Variants in RAVER2 observed in about 807,000 individuals in gnomAD.
RAVER2 encodes ribonucleoprotein, PTB binding 2, also known as ribonucleoprotein PTB-binding 2.
RAVER2 carries 46 observed loss-of-function variants against 78.1 expected under a neutral mutation model. The ratio of observed to expected loss-of-function variants is 0.59; its 90% CI spans 0.46 to 0.75. The LOEUF is 0.75. Among genes scored for constraint, RAVER2 ranks in the 30% least tolerant of loss-of-function variants. The pLI is 0.00. For missense variants in RAVER2, 793 were observed against 837.5 expected, an observed-to-expected ratio of 0.95 and a Z score of 0.66; for synonymous variants, 311 against 313.3, an observed-to-expected ratio of 0.99 and a Z score of 0.08.
intron 4 of RAVER2, among the ~76,000 whole-genome samples, chr1:64,788,034 A>G (rs1399716173): frequency 1.3e-5 from 2 of 152,184 alleles, no homozygotes; most frequent in African/African-American, 2.4e-5. Context: ...TTATGTAATT[A>G]TATATATTCA....
intron 2 of RAVER2, among the ~76,000 whole-genome samples, chr1:64,773,347 C>T (rs1652372776): frequency 6.6e-6 from 1 of 151,984 alleles, no homozygotes; most frequent in African/African-American, 2.4e-5. Flanking sequence ...GCTACACCCC[C>T]CGACAGGCCC....
At chr1:64,830,601 G>T (rs370180723) in intron 11 of RAVER2, among the ~76,000 whole-genome samples, 4 of 152,324 alleles carry the variant, frequency 2.6e-5, no homozygotes, top group East Asian at 3.9e-4. Flanking sequence ...AAAAGTTGGG[G>T]TTGGGAGTGA....
Position 64,763,917 on chromosome 1 carries a change from T to TACACACACACACACACACACAC in RAVER2, c.250-4722_250-4701dup, listed in dbSNP as rs58298918. 1.5e-4 allele frequency among the ~76,000 whole-genome samples: 20 copies of TACACACACACACACACACACAC among 133,806 alleles called. No individual in the cohort carries two copies. The East Asian group carries it at 2.7e-3, about 18-fold the overall frequency. 87.8% of individuals were successfully genotyped at this position (133,806 alleles called of 152,430 possible). On this transcript the variant is annotated intron_variant, in intron 1 of 11. Transcript: ENST00000294428. ...AAACTCCATCTCAAAAAAACAAAAA[T>TACACACACACACACACACACAC]ACACACACACACACACACACACACA... is the stretch of plus-strand genomic sequence containing the variant.
intron 1 of RAVER2, among the ~76,000 whole-genome samples, chr1:64,761,948 CAA>C (rs35443570): frequency 7.3e-6 from 1 of 137,902 alleles, no homozygotes. Flanking sequence ...CTGTCTCTAC[CAA>C]AAAAAAAAAA....
intron 4 of RAVER2, among the ~76,000 whole-genome samples, chr1:64,786,779 C>T (rs769411049): frequency 1.1e-4 from 16 of 151,566 alleles, no homozygotes; most frequent in South Asian, 2.1e-4. Flanking sequence ...GGTGACACAG[C>T]GAGACTCTGT....
chr1:64,798,099 G>A (rs1653149855), intron 5 of RAVER2, among the ~76,000 whole-genome samples: 1 of 110,476 alleles, frequency 9.1e-6, no homozygotes, highest in African/African-American at 3.6e-5. Flanking sequence ...ACAGTCCCCA[G>A]CGTGTGATAT....
exon 9 of RAVER2, chr1:64,807,268 C>A (rs756061919): frequency 6.2e-7 from 1 of 1,614,188 alleles, no homozygotes; most frequent in Non-Finnish European, 8.5e-7. Flanking sequence ...ACCATTCTTT[C>A]CAAATCAGCA....
At chr1:64,748,113 T>C (rs1651592981) in intron 1 of RAVER2, among the ~76,000 whole-genome samples, 1 of 152,218 alleles carries the variant, frequency 6.6e-6, no homozygotes, top group Non-Finnish European at 1.5e-5. Context: ...TTTAGAGGTA[T>C]GTTTATCAAA....
intron 8 of RAVER2, among the ~76,000 whole-genome samples, chr1:64,805,515 T>C (rs1454530095): frequency 2.6e-5 from 4 of 152,226 alleles, no homozygotes; most frequent in African/African-American, 9.6e-5. Flanking sequence ...ATTTGTATTA[T>C]TTAAAAAAAT....
At chr1:64,753,152 C>G (rs1051595612) in intron 1 of RAVER2, among the ~76,000 whole-genome samples, 1 of 152,170 alleles carries the variant, frequency 6.6e-6, no homozygotes, top group African/African-American at 2.4e-5. Flanking sequence ...CTTCCTCGCT[C>G]AAGCAATCCT....
intron 1 of RAVER2, among the ~76,000 whole-genome samples, chr1:64,759,214 A>AT: frequency 6.6e-6 from 1 of 150,656 alleles, no homozygotes; most frequent in Non-Finnish European, 1.5e-5. Flanking sequence ...ATTTTTATTT[A>AT]TTTTATTTTT....
intron 1 of RAVER2, among the ~76,000 whole-genome samples, chr1:64,750,898 T>C (rs562722463): frequency 1.1e-4 from 16 of 152,368 alleles, no homozygotes; most frequent in African/African-American, 3.6e-4. Flanking sequence ...TTTGTTATCC[T>C]ATTCTCAATG....
At chr1:64,811,881 A>G (rs921740872) in intron 9 of RAVER2, among the ~76,000 whole-genome samples, 4 of 152,220 alleles carry the variant, frequency 2.6e-5, no homozygotes, top group Non-Finnish European at 2.9e-5. Flanking sequence ...TAACTAATAC[A>G]TAAAAATATA....
At chr1:64,759,116 TGAA>T (rs1228773926) in intron 1 of RAVER2, among the ~76,000 whole-genome samples, 1 of 151,838 alleles carries the variant, frequency 6.6e-6, no homozygotes, top group Non-Finnish European at 1.5e-5. Context: ...TATTTTCTTT[TGAA>T]GAAGTGAGTT....
chr1:64,763,236 G>A (rs1652072311), intron 1 of RAVER2, among the ~76,000 whole-genome samples: 1 of 152,128 alleles, frequency 6.6e-6, no homozygotes, highest in Admixed American at 6.5e-5. Flanking sequence ...GGTGGAGCTT[G>A]CAGTGAGCCG....
chr1:64,800,227 C>T (rs1055656103), intron 5 of RAVER2, among the ~76,000 whole-genome samples: 1 of 151,362 alleles, frequency 6.6e-6, no homozygotes, highest in African/African-American at 2.4e-5. Context: ...TTCTCCCATT[C>T]TACAAGTTGT....
intron 11 of RAVER2, among the ~76,000 whole-genome samples, chr1:64,825,410 T>G (rs1244044959): frequency 6.6e-6 from 1 of 152,114 alleles, no homozygotes; most frequent in African/African-American, 2.4e-5. Flanking sequence ...GGGCTGAAGG[T>G]AAGGGTGAGA....
rs1359036307 is a variant in RAVER2 at position 64,805,100 on chromosome 1, A to C, written c.1406A>C (p.His469Pro). The change falls in exon 8 of 12, where the codon CAT becomes CCT. Residue 469 changes from histidine to proline, a missense_variant. By Grantham distance (77) the His-to-Pro change is moderately conservative. Transcript: ENST00000294428. Reference sequence around the variant, plus strand: ...TTGGGACATCATCATGGAGAAGCACATAAAAGTAAATGATGTGTATTTACT... The same window carrying C: ...TTGGGACATCATCATGGAGAAGCACCTAAAAGTAAATGATGTGTATTTACT... The C allele has an allele frequency of 3.1e-6, 5 of 1,612,200 alleles. No individual in the cohort carries two copies. The highest frequency in any genetic ancestry group is 4.2e-6 in the Non-Finnish European group (5 of 1,178,252).
chr1:64,767,021 G>A (rs1652191787), intron 1 of RAVER2, among the ~76,000 whole-genome samples: 1 of 152,044 alleles, frequency 6.6e-6, no homozygotes, highest in South Asian at 2.1e-4. Flanking sequence ...TACAAAATTG[G>A]TAAGTGTATG....
Sources: allele counts gnomAD v4.1 joint callset (sites outside exome capture counted in the v4.1 genomes callset), GRCh38; gene constraint gnomAD v4.1.1; transcripts MANE v1.5; gene names NCBI Gene and HGNC (gene_info 2026-07-23, HGNC 2026-07-21).